Variants in SUN3 observed in about 807,000 individuals in gnomAD.
The protein encoded by SUN3 is SUN domain-containing protein 3.
In SUN3, 36 loss-of-function variants were observed where a neutral mutation model predicts 48.2. That is an observed-to-expected ratio of 0.75 (90% CI 0.57 to 0.99). The LOEUF (loss-of-function observed/expected upper bound fraction) is 0.99. Ranked by LOEUF, SUN3 falls within the 50% of genes least tolerant of loss-of-function variation. SUN3 has a pLI of 0.00. For missense variants in SUN3, 419 were observed against 433.1 expected (o/e 0.97, Z 0.29); for synonymous variants, 148 against 147.9 (o/e 1.00, Z 0.00).
rs1204020747 is a variant in SUN3, at chr7:48,000,893, A to C, written c.578-4747T>G. ...GTTTTTTTTTTTTAAATCGAGTTTG[A>C]GATGTTTTTAGCTATTACGTCTTTA... On this transcript the variant is annotated intron_variant, in intron 6 of 9. Transcript: ENST00000297325. Among the ~76,000 whole-genome samples the C allele has an allele frequency of 1.0e-4, 15 of 143,408 alleles. No individual in the cohort carries two copies. The South Asian group carries it at 2.9e-3, about 27-fold the overall frequency. 94.1% of individuals were successfully genotyped at this position (143,408 alleles called of 152,430 possible).
upstream of SUN3, among the ~76,000 whole-genome samples, chr7:48,032,426 G>A (rs540318217): frequency 9.5e-4 from 145 of 152,192 alleles, no homozygotes; most frequent in African/African-American, 3.2e-3. Context: ...AATAAAGTTG[G>A]AAAAAATCCA....
chr7:48,018,287 G>A (rs909082808), intron 2 of SUN3, among the ~76,000 whole-genome samples: 2 of 152,036 alleles, frequency 1.3e-5, no homozygotes, highest in Non-Finnish European at 2.9e-5. Context: ...CTGGATCCAG[G>A]AATTCAAGGA....
At chr7:48,026,985 T>C (rs370967021) in intron 1 of SUN3, among the ~76,000 whole-genome samples, 12 of 152,210 alleles carry the variant, frequency 7.9e-5, no homozygotes, top group African/African-American at 2.4e-4. Flanking sequence ...GCCCATCTTA[T>C]GCCCTTATCA....
intron 2 of SUN3, among the ~76,000 whole-genome samples, chr7:48,020,135 G>T (rs111315933): frequency 0.049 from 7,456 of 152,120 alleles, 618 homozygotes; most frequent in African/African-American, 0.17. Flanking sequence ...TTATCCCTGG[G>T]ATGCAAGGAT....
At chr7:48,007,404 C>T (rs1321847207) in intron 4 of SUN3, 77 bp from the exon 5 acceptor site, 2 of 1,370,908 alleles carry the variant, frequency 1.5e-6, no homozygotes, top group African/African-American at 2.9e-5. Context: ...GCTCCACCCG[C>T]CATGTGATGA....
At chr7:47,997,191 A>G (rs538234379) in intron 6 of SUN3, among the ~76,000 whole-genome samples, 88 of 152,300 alleles carry the variant, frequency 5.8e-4, no homozygotes, top group African/African-American at 2.0e-3. Flanking sequence ...AATAAAAGAC[A>G]GCCATTTAAA....
intron 1 of SUN3, among the ~76,000 whole-genome samples, chr7:48,028,463 C>T (rs927563127): frequency 2.4e-5 from 2 of 83,826 alleles, no homozygotes; most frequent in African/African-American, 9.9e-5. Context: ...CAAGACTATA[C>T]AAGCTAGCCC....
At chr7:48,011,833 G>C (rs1370323330) in intron 3 of SUN3, among the ~76,000 whole-genome samples, 1 of 152,160 alleles carries the variant, frequency 6.6e-6, no homozygotes, top group Admixed American at 6.5e-5. Flanking sequence ...AATAAAGATT[G>C]GAAAAGTAAG....
At chr7:48,030,903 A>G (rs914459725), upstream of SUN3, among the ~76,000 whole-genome samples, 1 of 152,216 alleles carries the variant, frequency 6.6e-6, no homozygotes, top group African/African-American at 2.4e-5. Context: ...AGTCTCTTCA[A>G]TGAATGGTGC....
chr7:47,992,267 AG>A (rs1258486385), intron 8 of SUN3, among the ~76,000 whole-genome samples: 14 of 152,198 alleles, frequency 9.2e-5, no homozygotes, highest in African/African-American at 3.4e-4. Context: ...GGAAACAGAG[AG>A]ACGCTACCCG....
chr7:47,992,457 C>A (rs1789094028), intron 8 of SUN3, among the ~76,000 whole-genome samples: 1 of 152,140 alleles, frequency 6.6e-6, no homozygotes, highest in Non-Finnish European at 1.5e-5. Context: ...AAAGTATAAT[C>A]ATGACAGCAG....
chr7:47,995,371 G>GGGT lies in SUN3; in HGVS notation c.693+657_693+659dup, dbSNP rs147256838. On this transcript the variant is annotated intron_variant, in intron 7 of 9. Coordinates refer to ENST00000297325, the MANE Select transcript of SUN3 (RefSeq NM_001030019.2). ...AAGATGAGGGTTTTGATGGAGATGG[G>GGGT]GGTGGTGGTGGTGGTTATGGTGGTA... 3.0e-3 allele frequency among the ~76,000 whole-genome samples: 451 copies of GGGT among 150,170 alleles called. 1 individual carries two copies. Among genetic ancestry groups the GGGT allele is most frequent in the Middle Eastern group, 0.014 (4 of 280 alleles).
At chr7:47,994,182 G>C in intron 8 of SUN3, 133 bp downstream of exon 8, 1 of 755,300 alleles carries the variant, frequency 1.3e-6, no homozygotes, top group Non-Finnish European at 2.1e-6. Context: ...TCTCTTTGTA[G>C]GTGAGAAAGC....
At chr7:48,018,325 C>A (rs769943193) in intron 2 of SUN3, among the ~76,000 whole-genome samples, 19 of 152,162 alleles carry the variant, frequency 1.2e-4, no homozygotes, top group Non-Finnish European at 2.9e-5. Flanking sequence ...TGGCTAACCA[C>A]TGAGATAGTG....
Position 48,029,099 on chromosome 7 carries a change from A to G in SUN3, c.-161T>C. On this transcript the variant is annotated 5_prime_UTR_variant, in exon 1 of 10. Coordinates refer to ENST00000297325, the MANE Select transcript of SUN3 (RefSeq NM_001030019.2). Reference sequence around the variant, plus strand: ...TTTCTTCTTGAAGACGGAATTTTGAAAAGCTTCTGATTCTTCTGTTGCATC... The same window carrying G: ...TTTCTTCTTGAAGACGGAATTTTGAGAAGCTTCTGATTCTTCTGTTGCATC... The G allele has an allele frequency of 9.7e-7, 1 of 1,033,340 alleles. No individual in the cohort carries two copies. Among genetic ancestry groups the G allele is most frequent in the Non-Finnish European group, 1.4e-6 (1 of 727,320 alleles). The allele number at this position is 1,033,340 out of a possible 1,614,324, so 64.0% of individuals were successfully genotyped here.
At position 48,006,064 on chromosome 7, in the gene SUN3, T is replaced by G; in HGVS notation, c.493-11A>C. ...CAAGTTTGACACTTCCTGTAGAAAT[T>G]TTATAAACAGTTTTCTGTTAACAAT... On this transcript the variant is annotated splice_polypyrimidine_tract_variant and intron_variant, in intron 5 of 9. Transcript: ENST00000297325. 1.3e-6 allele frequency: 2 copies of G among 1,547,990 alleles called. No homozygotes were observed. Among genetic ancestry groups the G allele is most frequent in the Non-Finnish European group, 1.8e-6 (2 of 1,129,984 alleles).
chr7:48,003,101 A>G (rs1056687860), intron 6 of SUN3, among the ~76,000 whole-genome samples: 1 of 151,842 alleles, frequency 6.6e-6, no homozygotes, highest in East Asian at 1.9e-4. Flanking sequence ...TGTATATGGT[A>G]TATGGAAGGG....
chr7:47,989,518 C>A (rs778978210), intron 8 of SUN3, among the ~76,000 whole-genome samples: 6 of 152,118 alleles, frequency 3.9e-5, no homozygotes, highest in Non-Finnish European at 5.9e-5. Flanking sequence ...TTTTGTGAAT[C>A]TGAAGTTTAT....
intron 5 of SUN3, among the ~76,000 whole-genome samples, chr7:48,006,533 C>T (rs1027328417): frequency 6.6e-6 from 1 of 152,076 alleles, no homozygotes; most frequent in Non-Finnish European, 1.5e-5. Flanking sequence ...ATTCTGAAGG[C>T]TGCTCTCATT....
Sources: allele counts gnomAD v4.1 joint callset (sites outside exome capture counted in the v4.1 genomes callset), GRCh38; gene constraint gnomAD v4.1.1; transcripts MANE v1.5; gene names NCBI Gene and HGNC (gene_info 2026-07-23, HGNC 2026-07-21).